The following SEMA6A variants were observed in gnomAD, a reference collection of about 807,000 sequenced individuals.
SEMA6A encodes the protein semaphorin 6A, also known as semaphorin-6A.
Under a neutral mutation model 96.8 loss-of-function variants are expected in SEMA6A, and 25 were observed. The ratio of observed to expected loss-of-function variants is 0.26; its 90% CI spans 0.19 to 0.36. The LOEUF is 0.36. SEMA6A is among the 10% of genes least tolerant of loss of function. SEMA6A has a pLI of 1.00. For missense variants in SEMA6A, 1,363 were observed against 1,323.1 expected (o/e 1.03, Z -0.47); for synonymous variants, 612 against 518.0 (o/e 1.18, Z -2.46).
intron 17 of SEMA6A, among the ~76,000 whole-genome samples, chr5:116,469,834 A>C (rs1476000254): frequency 6.6e-6 from 1 of 152,346 alleles, no homozygotes; most frequent in Admixed American, 6.5e-5. Context: ...AGCTATGGCT[A>C]TGAGAGGAAA....
chr5:116,487,629 T>G (rs1365370897), intron 9 of SEMA6A, among the ~76,000 whole-genome samples: 1 of 152,124 alleles, frequency 6.6e-6, no homozygotes. Flanking sequence ...TTTGGGAGGC[T>G]GCAGCAGGTG....
chr5:116,552,969 G>A (rs1453024346), intron 1 of SEMA6A, among the ~76,000 whole-genome samples: 1 of 152,162 alleles, frequency 6.6e-6, no homozygotes, highest in Non-Finnish European at 1.5e-5. Flanking sequence ...GGGCCCAAGA[G>A]GAGTTGGCCC....
At chr5:116,468,963 T>A (rs1755936024) in intron 17 of SEMA6A, 1 of 152,174 alleles carries the variant, frequency 6.6e-6, no homozygotes, top group African/African-American at 2.4e-5. Context: ...CTTTTTTTTT[T>A]TTTACAATTA....
intron 4 of SEMA6A, 74 bp downstream of exon 4, chr5:116,497,253 C>T (rs952135754): frequency 9.8e-6 from 9 of 916,460 alleles, no homozygotes; most frequent in African/African-American, 8.3e-5. Flanking sequence ...TCTTAATGCA[C>T]TTAAAATACA....
chr5:116,447,791 G>A lies in SEMA6A; in HGVS notation c.1915C>T (p.Leu639Phe). 6.2e-7 allele frequency: 1 copy of A among 1,600,818 alleles called. No individual in the cohort carries two copies. Among genetic ancestry groups the A allele is most frequent in the Non-Finnish European group, 8.5e-7 (1 of 1,170,236 alleles). Reference sequence around the variant, plus strand: ...GGAACCAGCTGGTCGTGGCCTTTGAGGTAACTTTCCCGAATCACTCCTGCA... The same window carrying A: ...GGAACCAGCTGGTCGTGGCCTTTGAAGTAACTTTCCCGAATCACTCCTGCA... ...DKKGVIRESY[L>F]KGHDQLVPVT... is the part of the protein sequence containing the mutation. Residue 639 changes from leucine to phenylalanine, a missense_variant, in exon 19 of 19, where the codon CTC (leucine) becomes TTC (phenylalanine). Physicochemically the swap from Leu to Phe is conservative, Grantham distance 22. Coordinates refer to ENST00000343348, the MANE Select transcript of SEMA6A (RefSeq NM_020796.5).
intron 1 of SEMA6A, among the ~76,000 whole-genome samples, chr5:116,527,959 AAAGG>A (rs1759302458): frequency 6.6e-6 from 1 of 152,230 alleles, no homozygotes; most frequent in Non-Finnish European, 1.5e-5. Context: ...AGAACCAAAC[AAAGG>A]AAGGAAAACA....
At chr5:116,467,888 G>A (rs1755869919) in intron 17 of SEMA6A, 141 bp from the exon 18 acceptor site, 2 of 540,612 alleles carry the variant, frequency 3.7e-6, no homozygotes, top group Non-Finnish European at 6.2e-6. Context: ...GCTTAGTGGT[G>A]GTGGTGGTGG....
chr5:116,536,855 G>C (rs376406316), intron 1 of SEMA6A, among the ~76,000 whole-genome samples: 3 of 114,102 alleles, frequency 2.6e-5, no homozygotes, highest in Admixed American at 1.1e-4. Context: ...TTCAGTCCCC[G>C]TGTGATTTCT....
At chr5:116,513,489 T>G (rs1437859149) in intron 1 of SEMA6A, among the ~76,000 whole-genome samples, 1 of 152,146 alleles carries the variant, frequency 6.6e-6, no homozygotes. Flanking sequence ...CCTGATTTTG[T>G]ACAATTCCTC....
intron 1 of SEMA6A, among the ~76,000 whole-genome samples, chr5:116,526,796 A>G (rs1759249842): frequency 6.6e-6 from 1 of 152,070 alleles, no homozygotes; most frequent in African/African-American, 2.4e-5. Flanking sequence ...TCAGACTGAC[A>G]CCCAGCATTT....
At chr5:116,506,755 G>A (rs1301890402) in intron 1 of SEMA6A, among the ~76,000 whole-genome samples, 1 of 152,076 alleles carries the variant, frequency 6.6e-6, no homozygotes, top group African/African-American at 2.4e-5. Context: ...TTATAAAGAA[G>A]CATATTGCCT....
At chr5:116,574,015 C>A (rs1330063832) in intron 1 of SEMA6A, among the ~76,000 whole-genome samples, 170 bp downstream of exon 1, 1 of 149,074 alleles carries the variant, frequency 6.7e-6, no homozygotes, top group Admixed American at 6.6e-5. Flanking sequence ...GCAGGCAGGG[C>A]TCACGGCTGC....
chr5:116,524,789 G>GACACACACACACACAGACACACACACAC (rs1554090342), intron 1 of SEMA6A, among the ~76,000 whole-genome samples: 3 of 130,594 alleles, frequency 2.3e-5, no homozygotes, highest in Non-Finnish European at 4.8e-5. Context: ...CACACACACA[G>GACACACACACACACAGACACACACACAC]ACACACACAC....
intron 1 of SEMA6A, among the ~76,000 whole-genome samples, chr5:116,557,799 G>C (rs1410823566): frequency 2.6e-5 from 4 of 152,164 alleles, no homozygotes; most frequent in African/African-American, 7.2e-5. Context: ...CTAGATGGTA[G>C]CATTCTGTGT....
At chr5:116,506,681 CGGGAGG>C (rs995850658) in intron 1 of SEMA6A, among the ~76,000 whole-genome samples, 18 of 94,138 alleles carry the variant, frequency 1.9e-4, no homozygotes, top group Admixed American at 2.8e-4. Context: ...AAGCATCTGG[CGGGAGG>C]GGGAGGGGGA....
chr5:116,551,374 T>A (rs911962322), intron 1 of SEMA6A, among the ~76,000 whole-genome samples: 2 of 150,384 alleles, frequency 1.3e-5, no homozygotes, highest in Non-Finnish European at 3.0e-5. Context: ...GCTCATCCTC[T>A]ATCAGCAGAA....
intron 1 of SEMA6A, among the ~76,000 whole-genome samples, chr5:116,517,515 A>C (rs1033488509): frequency 4.6e-5 from 7 of 152,190 alleles, no homozygotes; most frequent in African/African-American, 1.7e-4. Context: ...TGTATGTCGT[A>C]TCATACTTGC....
intron 1 of SEMA6A, chr5:116,562,853 G>T (rs1760874645): frequency 3.0e-6 from 2 of 659,826 alleles, no homozygotes; most frequent in Admixed American, 1.9e-5. Flanking sequence ...CAAACACCGG[G>T]CCACAGGAGG....
intron 1 of SEMA6A, among the ~76,000 whole-genome samples, chr5:116,571,913 A>G (rs1164755027): frequency 1.3e-5 from 2 of 152,206 alleles, no homozygotes; most frequent in African/African-American, 4.8e-5. Flanking sequence ...TCAGAATTAA[A>G]CATAGGCATC....
Sources: allele counts gnomAD v4.1 joint callset (sites outside exome capture counted in the v4.1 genomes callset), GRCh38; gene constraint gnomAD v4.1.1; transcripts MANE v1.5; gene names NCBI Gene and HGNC (gene_info 2026-07-23, HGNC 2026-07-21).